Variants in KCNB2 observed in about 807,000 individuals in gnomAD.
The protein encoded by KCNB2 is delayed rectifier potassium channel protein.
In KCNB2, 15 loss-of-function variants were observed where a neutral mutation model predicts 61.5. The observed-to-expected ratio is 0.24, with a 90% CI of 0.16 to 0.38. The LOEUF is 0.38. Among genes scored for constraint, KCNB2 ranks in the 10% least tolerant of loss-of-function variants. KCNB2 has a pLI of 1.00. For missense variants in KCNB2, 828 were observed against 1,125.2 expected (o/e 0.74, Z 3.78); for synonymous variants, 457 against 446.0 (o/e 1.02, Z -0.31).
At chr8:72,804,542 T>C (rs1809185643) in intron 2 of KCNB2, among the ~76,000 whole-genome samples, 1 of 152,160 alleles carries the variant, frequency 6.6e-6, no homozygotes, top group Non-Finnish European at 1.5e-5. Context: ...CCATTAAAGG[T>C]TTTCCAAATC....
chr8:72,781,727 G>GT (rs1203245418), intron 2 of KCNB2, among the ~76,000 whole-genome samples: 3 of 152,068 alleles, frequency 2.0e-5, no homozygotes, highest in South Asian at 2.1e-4. Context: ...TTTTAAAGTA[G>GT]TTTTTTCTAA....
chr8:72,927,571 C>G (rs984799446), intron 2 of KCNB2, among the ~76,000 whole-genome samples: 1 of 152,108 alleles, frequency 6.6e-6, no homozygotes, highest in African/African-American at 2.4e-5. Context: ...GCACCGACCC[C>G]CAACTCTTTT....
At chr8:72,564,380 C>G (rs973069946) in intron 1 of KCNB2, among the ~76,000 whole-genome samples, 3 of 152,102 alleles carry the variant, frequency 2.0e-5, no homozygotes, top group African/African-American at 7.2e-5. Context: ...AATGATTTAT[C>G]TTCTTCATGT....
intron 2 of KCNB2, among the ~76,000 whole-genome samples, chr8:72,892,269 G>C (rs903120849): frequency 1.3e-5 from 2 of 152,084 alleles, no homozygotes; most frequent in South Asian, 2.1e-4. Flanking sequence ...ATGTAAGAAG[G>C]GGGAGATAAC....
chr8:72,937,542 C>G lies in KCNB2; in HGVS notation c.2187C>G (p.Thr729=). 1 of 1,613,832 alleles carries G rather than the reference C, an allele frequency of 6.2e-7. No homozygotes were observed. Among genetic ancestry groups the G allele is most frequent in the Non-Finnish European group, 8.5e-7 (1 of 1,179,916 alleles). The change falls in exon 3 of 3, where the codon ACC becomes ACG. Residue 729 remains threonine, a synonymous_variant. Coordinates refer to ENST00000523207, the MANE Select transcript of KCNB2 (RefSeq NM_004770.3). ...FKENRGSAPQ[T]PPSTARPLPV... is the part of the protein sequence containing the mutation. ...AAAATAGAGGCAGTGCACCACAGAC[C>G]CCGCCCAGCACAGCCAGGCCACTGC...
chr8:72,746,625 C>G (rs930284225), intron 2 of KCNB2, among the ~76,000 whole-genome samples: 3 of 152,140 alleles, frequency 2.0e-5, no homozygotes, highest in African/African-American at 7.2e-5. Context: ...ACAGAAACTG[C>G]CTTCTGTGCT....
intron 2 of KCNB2, among the ~76,000 whole-genome samples, chr8:72,652,369 T>C (rs938696149): frequency 1.3e-5 from 2 of 152,110 alleles, no homozygotes; most frequent in East Asian, 3.9e-4. Flanking sequence ...CATCGTCCGA[T>C]GTCTAGACTA....
intron 2 of KCNB2, among the ~76,000 whole-genome samples, chr8:72,595,344 A>G (rs1389059836): frequency 2.2e-5 from 3 of 137,114 alleles, no homozygotes; most frequent in Non-Finnish European, 4.7e-5. Context: ...TTTTTTTTTT[A>G]AGACAGAGTC....
chr8:72,557,461 AGACATGAAATATCTTTCCTAG>A (rs1806447037), intron 1 of KCNB2, among the ~76,000 whole-genome samples: 1 of 152,228 alleles, frequency 6.6e-6, no homozygotes, highest in African/African-American at 2.4e-5. Flanking sequence ...GACCCTCACC[AGACATGAAATATCTTTCCTAG>A]GACATGAAAT....
chr8:72,667,453 C>CT (rs528521574), intron 2 of KCNB2, among the ~76,000 whole-genome samples: 109 of 151,632 alleles, frequency 7.2e-4, no homozygotes, highest in Admixed American at 1.5e-3. Flanking sequence ...AATTTGAATT[C>CT]TTTTTTTTTA....
intron 2 of KCNB2, among the ~76,000 whole-genome samples, chr8:72,737,316 C>A (rs1807864101): frequency 6.6e-6 from 1 of 152,144 alleles, no homozygotes; most frequent in Admixed American, 6.6e-5. Context: ...ATTTTACCAA[C>A]TATATTAAGC....
chr8:72,813,011 G>A (rs1015591187), intron 2 of KCNB2, among the ~76,000 whole-genome samples: 14 of 152,132 alleles, frequency 9.2e-5, no homozygotes, highest in African/African-American at 3.4e-4. Context: ...TTGATTGATT[G>A]CCTGCTCTGA....
At chr8:72,907,953 G>C (rs1806207838) in intron 2 of KCNB2, among the ~76,000 whole-genome samples, 1 of 152,102 alleles carries the variant, frequency 6.6e-6, no homozygotes, top group Non-Finnish European at 1.5e-5. Context: ...TTGTCTACAA[G>C]AACTGTCATC....
In KCNB2 at chr8:72,610,611, C is replaced by G. The variant is rs139168647; in HGVS notation, c.579+42298C>G. Among the ~76,000 whole-genome samples, 784 of 152,182 alleles carry G rather than the reference C, an allele frequency of 5.2e-3. 7 individuals are homozygous for G. Among genetic ancestry groups the G allele is most frequent in the African/African-American group, 0.018 (753 of 41,514 alleles). On this transcript the variant is annotated intron_variant, in intron 2 of 2. Transcript: ENST00000523207. ...CACTTTCTATAGGCAAGGCACTGTC[C>G]TAAATACTTAAAAAATTTAGTAACG...
chr8:72,696,702 T>C (rs546541792), intron 2 of KCNB2, among the ~76,000 whole-genome samples: 25 of 152,296 alleles, frequency 1.6e-4, no homozygotes, highest in African/African-American at 5.1e-4. Flanking sequence ...TGCTGTATTA[T>C]CTAAGAGCAG....
chr8:72,907,804 A>G (rs1234739085), intron 2 of KCNB2, among the ~76,000 whole-genome samples: 3 of 152,164 alleles, frequency 2.0e-5, no homozygotes, highest in African/African-American at 7.2e-5. Context: ...CTGTGAACCC[A>G]ATGGACAAAT....
chr8:72,911,547 A>G (rs766766036), intron 2 of KCNB2, among the ~76,000 whole-genome samples: 2 of 152,196 alleles, frequency 1.3e-5, no homozygotes, highest in Non-Finnish European at 2.9e-5. Context: ...CATTGATCAA[A>G]CTAGAGCCAG....
At chr8:72,931,433 T>G (rs928078174) in intron 2 of KCNB2, among the ~76,000 whole-genome samples, 1 of 152,228 alleles carries the variant, frequency 6.6e-6, no homozygotes, top group Admixed American at 6.5e-5. Context: ...TCCATGAGCA[T>G]GGAATGTTCT....
chr8:72,613,995 G>A (rs1490013837), intron 2 of KCNB2, among the ~76,000 whole-genome samples: 3 of 152,166 alleles, frequency 2.0e-5, no homozygotes, highest in Admixed American at 6.5e-5. Context: ...AAATGTGGAC[G>A]ATCTAAATTT....
Sources: gnomAD v4.1 joint callset for allele counts (sites outside exome capture counted in the v4.1 genomes callset) on GRCh38, gnomAD v4.1.1 for gene constraint, MANE v1.5 for transcripts, NCBI Gene and HGNC (gene_info 2026-07-23, HGNC 2026-07-21) for gene names.